The following HS3ST5 variants were observed in gnomAD, a reference collection of about 807,000 sequenced individuals.
The protein encoded by HS3ST5 is heparan sulfate glucosamine 3-O-sulfotransferase 5.
Under a neutral mutation model 25.4 loss-of-function variants are expected in HS3ST5, and 10 were observed. The ratio of observed to expected loss-of-function variants is 0.39; its 90% CI spans 0.24 to 0.67. HS3ST5 has a LOEUF of 0.67. HS3ST5 is among the 30% of genes least tolerant of loss of function. The pLI is 0.44. For missense variants in HS3ST5, 324 were observed against 420.7 expected (o/e 0.77, Z 2.01); for synonymous variants, 170 against 162.4 (o/e 1.05, Z -0.36).
intron 2 of HS3ST5, among the ~76,000 whole-genome samples, chr6:114,199,560 T>A (rs1780915199): frequency 7.0e-6 from 1 of 142,898 alleles, no homozygotes; most frequent in Admixed American, 7.2e-5. Context: ...CAACCAGAGT[T>A]AACTATTGTA....
rs150764068 is a variant in HS3ST5, at chr6:114,114,810, G to A, written c.-32-51933C>T. Among the ~76,000 whole-genome samples the A allele has an allele frequency of 1.3e-4, 20 of 152,128 alleles. No individual in the cohort carries two copies. In the East Asian group the frequency reaches 3.9e-3, roughly 29 times the overall value. On this transcript the variant is annotated intron_variant, in intron 3 of 4. Coordinates refer to ENST00000312719, the MANE Select transcript of HS3ST5 (RefSeq NM_153612.4). ...AGTTACTTTTTAAAAAAATCGTATT[G>A]ATCAGTTGCTTTGCTGTAATTTAGA...
intron 1 of HS3ST5, among the ~76,000 whole-genome samples, chr6:114,291,569 T>G (rs1774580486): frequency 6.6e-6 from 1 of 151,840 alleles, no homozygotes; most frequent in Non-Finnish European, 1.5e-5. Context: ...TGGCAGAGAG[T>G]GATTTCTGCA....
In HS3ST5 at chr6:114,120,053, G is replaced by A. The variant is rs299420; in HGVS notation, c.-33+48298C>T. On this transcript the variant is annotated intron_variant, in intron 3 of 4. Transcript: ENST00000312719. ...CCAGCTACTCAGGAGGCTGAGGCAG[G>A]AGAATCACTTGAACCTGGGAGGCAG... is the stretch of plus-strand genomic sequence containing the variant. 5.7e-3 allele frequency among the ~76,000 whole-genome samples: 870 copies of A among 152,244 alleles called. 9 individuals carry two copies. The highest frequency in any genetic ancestry group is 0.02 in the African/African-American group (820 of 41,526).
intron 3 of HS3ST5, among the ~76,000 whole-genome samples, chr6:114,151,576 C>G (rs1022053319): frequency 6.6e-6 from 1 of 152,160 alleles, no homozygotes; most frequent in Non-Finnish European, 1.5e-5. Flanking sequence ...ATGTAACTAG[C>G]CATCTTGTTG....
At chr6:114,333,401 T>C (rs1776482710) in intron 1 of HS3ST5, among the ~76,000 whole-genome samples, 1 of 152,080 alleles carries the variant, frequency 6.6e-6, no homozygotes, top group African/African-American at 2.4e-5. Context: ...AAAGTAATGG[T>C]GTATAAAAAT....
chr6:114,273,198 T>C (rs1449453060), intron 1 of HS3ST5, among the ~76,000 whole-genome samples: 3 of 151,936 alleles, frequency 2.0e-5, no homozygotes, highest in Non-Finnish European at 2.9e-5. Flanking sequence ...GTGGTCAAAT[T>C]TGAATATGGA....
intron 1 of HS3ST5, among the ~76,000 whole-genome samples, chr6:114,242,082 A>C (rs1377059824): frequency 6.6e-6 from 1 of 152,172 alleles, no homozygotes; most frequent in Admixed American, 6.5e-5. Context: ...GTAGTCTATA[A>C]TTTCACTAAT....
intron 3 of HS3ST5, among the ~76,000 whole-genome samples, chr6:114,140,476 A>G (rs773030988): frequency 2.0e-5 from 3 of 152,228 alleles, no homozygotes; most frequent in African/African-American, 4.8e-5. Context: ...TTTGAGATGC[A>G]TTACATGTTT....
chr6:114,206,736 A>T (rs1781290046), intron 2 of HS3ST5, among the ~76,000 whole-genome samples: 1 of 152,254 alleles, frequency 6.6e-6, no homozygotes, highest in Admixed American at 6.5e-5. Context: ...TACTAAACAT[A>T]CAGTATTTAT....
chr6:114,223,252 T>C (rs1782125930), intron 2 of HS3ST5, among the ~76,000 whole-genome samples: 1 of 151,798 alleles, frequency 6.6e-6, no homozygotes, highest in Non-Finnish European at 1.5e-5. Context: ...GTTTTCATGC[T>C]CTACAAAATT....
intron 2 of HS3ST5, among the ~76,000 whole-genome samples, chr6:114,191,106 TA>T (rs1433111620): frequency 6.6e-6 from 1 of 152,138 alleles, no homozygotes; most frequent in Non-Finnish European, 1.5e-5. Context: ...ATATTAAGCA[TA>T]GAAAATATGG....
intron 1 of HS3ST5, among the ~76,000 whole-genome samples, chr6:114,334,400 C>T (rs975658527): frequency 3.3e-5 from 5 of 152,168 alleles, no homozygotes; most frequent in Admixed American, 6.5e-5. Context: ...AGACAGCTAG[C>T]TCACCAGATG....
chr6:114,115,272 C>G (rs1776463170), intron 3 of HS3ST5, among the ~76,000 whole-genome samples: 1 of 151,970 alleles, frequency 6.6e-6, no homozygotes, highest in South Asian at 2.1e-4. Context: ...ATAAAAGTCT[C>G]TCATAGACAC....
At chr6:114,315,792 G>A (rs972263914) in intron 1 of HS3ST5, among the ~76,000 whole-genome samples, 2 of 152,134 alleles carry the variant, frequency 1.3e-5, no homozygotes, top group Admixed American at 1.3e-4. Context: ...TCTTCAGGAA[G>A]AGAAAAAATT....
chr6:114,164,254 C>G (rs1216855179), intron 3 of HS3ST5, among the ~76,000 whole-genome samples: 1 of 152,050 alleles, frequency 6.6e-6, no homozygotes, highest in Non-Finnish European at 1.5e-5. Flanking sequence ...AAATACCTTA[C>G]AGTTTACAAA....
At chr6:114,073,979 G>A (rs1773978277) in intron 3 of HS3ST5, among the ~76,000 whole-genome samples, 1 of 152,188 alleles carries the variant, frequency 6.6e-6, no homozygotes, top group Admixed American at 6.5e-5. Context: ...AAAAGGATGA[G>A]TTCATGTCCT....
At position 114,084,383 on chromosome 6, in the gene HS3ST5, C is replaced by T. The variant is rs183035871; in HGVS notation, c.-32-21506G>A. ...TCAGTCCATTCACCCTGAAATTCCTCCTCGGTCACAGCATTTTCAGCAGCA... is the reference window on the plus strand; with the variant it reads ...TCAGTCCATTCACCCTGAAATTCCTTCTCGGTCACAGCATTTTCAGCAGCA... On this transcript the variant is annotated intron_variant, in intron 3 of 4. Transcript: ENST00000312719. 154 of 756,150 alleles carry T rather than the reference C, an allele frequency of 2.0e-4. 1 individual carries two copies. In the East Asian group the frequency reaches 3.6e-3, roughly 18 times the overall value. The allele number at this position is 756,150 out of a possible 1,614,324, so 46.8% of individuals were successfully genotyped here. A position where few individuals can be genotyped will look rare whatever the true frequency, so the allele number is the denominator to read the frequency against.
chr6:114,161,537 AT>A (rs1778957436), intron 3 of HS3ST5, among the ~76,000 whole-genome samples: 1 of 55,312 alleles, frequency 1.8e-5, no homozygotes, highest in Non-Finnish European at 3.6e-5. Flanking sequence ...ATATATATAT[AT>A]ATATATATAT....
chr6:114,182,554 A>G (rs1463172674), intron 2 of HS3ST5, among the ~76,000 whole-genome samples: 1 of 152,188 alleles, frequency 6.6e-6, no homozygotes, highest in East Asian at 1.9e-4. Context: ...GGAAGATTAG[A>G]GCACTGAAGA....
Sources: allele counts gnomAD v4.1 joint callset (sites outside exome capture counted in the v4.1 genomes callset), GRCh38; gene constraint gnomAD v4.1.1; transcripts MANE v1.5; gene names NCBI Gene and HGNC (gene_info 2026-07-23, HGNC 2026-07-21).